The following NINJ2 variants were observed in gnomAD, a reference collection of about 807,000 sequenced individuals.
The protein encoded by NINJ2 is ninjurin-2.
In NINJ2, 12 loss-of-function variants were observed where a neutral mutation model predicts 11.7. The ratio of observed to expected loss-of-function variants is 1.02; its 90% CI spans 0.66 to 1.66. The LOEUF (loss-of-function observed/expected upper bound fraction) is 1.66. NINJ2 is among the 40% of genes most tolerant of loss of function. The probability of loss-of-function intolerance (pLI) is 0.00; values close to 1 mark genes in which losing one functional copy is unlikely to be tolerated. For missense variants in NINJ2, 187 were observed against 181.8 expected, an observed-to-expected ratio of 1.03 and a Z score of -0.16; for synonymous variants, 93 against 76.8, an observed-to-expected ratio of 1.21 and a Z score of -1.10.
intron 1 of NINJ2, among the ~76,000 whole-genome samples, chr12:655,417 G>A (rs1269065728): frequency 6.6e-6 from 1 of 152,164 alleles, no homozygotes; most frequent in African/African-American, 2.4e-5. Flanking sequence ...ATTATAGCAA[G>A]GTTGCAGGAT....
rs567944002 is a variant in NINJ2, at chr12:643,431, C to T, written c.33+19897G>A. ...CCTCGGGCCTACATCCGCTCCGCCGCGACGCGGCTCACAAACTAGGGAGGG... is the reference window on the plus strand; with the variant it reads ...CCTCGGGCCTACATCCGCTCCGCCGTGACGCGGCTCACAAACTAGGGAGGG... On this transcript the variant is annotated intron_variant, in intron 1 of 3. Transcript: ENST00000305108. 13 of 988,108 alleles carry T rather than the reference C, an allele frequency of 1.3e-5. No homozygotes were observed. In the African/African-American group the frequency reaches 2.3e-4, roughly 17 times the overall value. The allele number at this position is 988,108 out of a possible 1,614,324, so 61.2% of individuals were successfully genotyped here. A position where few individuals can be genotyped will look rare whatever the true frequency, so the allele number is the denominator to read the frequency against.
intron 1 of NINJ2, among the ~76,000 whole-genome samples, chr12:601,560 A>T (rs1975817): frequency 0.77 from 114,840 of 149,502 alleles, 44,122 homozygotes; most frequent in Middle Eastern, 0.86. Flanking sequence ...AAAAAAAAAA[A>T]AAATAAATAA....
chr12:631,650 C>G (rs1282898677), intron 1 of NINJ2, among the ~76,000 whole-genome samples: 2 of 152,182 alleles, frequency 1.3e-5, no homozygotes, highest in African/African-American at 2.4e-5. Flanking sequence ...CGTGAGCCAC[C>G]GCGCCTGGCC....
chr12:610,537 C>A (rs1469140065), intron 1 of NINJ2: 2 of 1,476,824 alleles, frequency 1.4e-6, no homozygotes, highest in Middle Eastern at 1.9e-4. Flanking sequence ...GCCCTGCATG[C>A]AGCAGATGCC....
chr12:569,815 AG>A (rs1947352216), intron 1 of NINJ2, among the ~76,000 whole-genome samples: 1 of 152,196 alleles, frequency 6.6e-6, no homozygotes, highest in Non-Finnish European at 1.5e-5. Flanking sequence ...CAGTGTGCTT[AG>A]GGGGTGCGCC....
intron 1 of NINJ2, among the ~76,000 whole-genome samples, chr12:616,362 C>T (rs1177717806): frequency 6.6e-6 from 1 of 152,248 alleles, no homozygotes; most frequent in Non-Finnish European, 1.5e-5. Flanking sequence ...TACCTCATGA[C>T]TTCTTGCATT....
chr12:651,644 A>G (rs975299126), intron 1 of NINJ2, among the ~76,000 whole-genome samples: 3 of 152,248 alleles, frequency 2.0e-5, no homozygotes, highest in African/African-American at 7.2e-5. Flanking sequence ...ATTGGACTTT[A>G]TCAGACCAAG....
At chr12:653,212 AG>A (rs1401059683) in intron 1 of NINJ2, among the ~76,000 whole-genome samples, 3 of 151,582 alleles carry the variant, frequency 2.0e-5, no homozygotes, top group Admixed American at 2.0e-4. Flanking sequence ...AGTAGAGACG[AG>A]GTTTCACCTT....
chr12:618,579 A>T (rs1049409731), intron 1 of NINJ2, among the ~76,000 whole-genome samples: 10 of 152,190 alleles, frequency 6.6e-5, no homozygotes, highest in Non-Finnish European at 1.0e-4. Flanking sequence ...GGCTTTGGTT[A>T]GTGATCTGGG....
intron 1 of NINJ2, among the ~76,000 whole-genome samples, chr12:650,426 G>A (rs1350982070): frequency 6.6e-6 from 1 of 152,168 alleles, no homozygotes; most frequent in South Asian, 2.1e-4. Context: ...TTGGCCAGGC[G>A]CGGTGGCTCA....
At chr12:589,697 T>G (rs1947691979) in intron 1 of NINJ2, 1 of 152,232 alleles carries the variant, frequency 6.6e-6, no homozygotes, top group South Asian at 2.1e-4. Context: ...CTTCCCTGTT[T>G]CTTTCTTTCT....
chr12:568,882 C>T (rs1003994894), intron 1 of NINJ2, among the ~76,000 whole-genome samples: 1 of 121,522 alleles, frequency 8.2e-6, no homozygotes, highest in Non-Finnish European at 1.7e-5. Context: ...GGACACCCCC[C>T]CCCCCCCGCC....
intron 1 of NINJ2, among the ~76,000 whole-genome samples, chr12:659,244 A>C (rs1479750348): frequency 6.6e-6 from 1 of 151,848 alleles, no homozygotes; most frequent in African/African-American, 2.4e-5. Context: ...CTGAATTTGC[A>C]TTCGGTTTGG....
At chr12:576,747 G>C (rs1238743253) in intron 1 of NINJ2, among the ~76,000 whole-genome samples, 1 of 152,190 alleles carries the variant, frequency 6.6e-6, no homozygotes, top group African/African-American at 2.4e-5. Flanking sequence ...GTCATCTCGG[G>C]GTTCAGAGTT....
intron 1 of NINJ2, among the ~76,000 whole-genome samples, chr12:619,553 G>T (rs1049793559): frequency 6.6e-6 from 1 of 152,134 alleles, no homozygotes; most frequent in Non-Finnish European, 1.5e-5. Context: ...TGTAAAGAAC[G>T]CTGTGTCCTC....
At chr12:656,214 A>G (rs1355697460) in intron 1 of NINJ2, among the ~76,000 whole-genome samples, 1 of 150,416 alleles carries the variant, frequency 6.6e-6, no homozygotes, top group Non-Finnish European at 1.5e-5. Flanking sequence ...AATACAAAAA[A>G]TTAGCTGGGC....
intron 1 of NINJ2, among the ~76,000 whole-genome samples, chr12:602,201 G>A (rs565758183): frequency 3.3e-5 from 5 of 152,288 alleles, no homozygotes; most frequent in South Asian, 4.1e-4. Flanking sequence ...TAAAGTGTAC[G>A]GTTCAGTGGC....
chr12:629,896 A>AAAAAAATATATATATAT, intron 1 of NINJ2, among the ~76,000 whole-genome samples: 5 of 9,902 alleles, frequency 5.0e-4, no homozygotes, highest in Non-Finnish European at 1.4e-3. Flanking sequence ...AAAAAAAAAA[A>AAAAAAATATATATATAT]ATATATATAT....
intron 1 of NINJ2, among the ~76,000 whole-genome samples, chr12:601,501 T>TTG (rs1565630767): frequency 1.3e-5 from 2 of 149,408 alleles, no homozygotes; most frequent in African/African-American, 5.0e-5. Context: ...TGAGCCAAGA[T>TTG]CAGGCCACTG....
Sources: gnomAD v4.1 joint callset for allele counts (sites outside exome capture counted in the v4.1 genomes callset) on GRCh38, gnomAD v4.1.1 for gene constraint, MANE v1.5 for transcripts, NCBI Gene and HGNC (gene_info 2026-07-23, HGNC 2026-07-21) for gene names.